Variants in TUSC3 observed in about 807,000 individuals in gnomAD.
The protein encoded by TUSC3 is tumor suppressor candidate 3, also known as dolichyl-diphosphooligosaccharide--protein glycosyltransferase subunit TUSC3.
A neutral mutation model predicts 44.8 loss-of-function variants in TUSC3; 45 were observed. The ratio of observed to expected loss-of-function variants is 1.00; its 90% CI spans 0.79 to 1.29. The LOEUF is 1.29. TUSC3 is among the 50% of genes most tolerant of loss of function. TUSC3 has a pLI of 0.00. For missense variants in TUSC3, 519 were observed against 437.9 expected (o/e 1.19, Z -1.65); for synonymous variants, 212 against 152.9 (o/e 1.39, Z -2.85).
rs199725916 is a variant in TUSC3, at chr8:15,602,696, G to GTA, written c.139-20378_139-20377dup. The stretch of plus-strand genomic sequence containing the variant: ...TGTGTGTGTGTGTGTGTGTGTGTGT[G>GTA]TATATATGTGTATGTATACGTGTGT... On this transcript the variant is annotated intron_variant, in intron 1 of 10. Coordinates refer to ENST00000503731, the MANE Select transcript of TUSC3 (RefSeq NM_006765.4). 3.6e-4 allele frequency among the ~76,000 whole-genome samples: 51 copies of GTA among 143,112 alleles called. 1 individual carries two copies. Among genetic ancestry groups the GTA allele is most frequent in the East Asian group, 3.4e-3 (17 of 4,934 alleles). 93.9% of individuals were successfully genotyped at this position (143,112 alleles called of 152,430 possible).
At chr8:15,489,972 C>G (rs150526847) in intron 2 of TUSC3, among the ~76,000 whole-genome samples, 6 of 152,174 alleles carry the variant, frequency 3.9e-5, no homozygotes, top group African/African-American at 1.4e-4. Context: ...TCTGTTGGTG[C>G]TGAAATAGTC....
chr8:15,760,587 CGTCAACA>C (rs1812132123), intron 10 of TUSC3, among the ~76,000 whole-genome samples: 1 of 152,008 alleles, frequency 6.6e-6, no homozygotes, highest in Non-Finnish European at 1.5e-5. Context: ...GGGGGTGGGA[CGTCAACA>C]AAGAATATTT....
intron 6 of TUSC3, among the ~76,000 whole-genome samples, chr8:15,677,762 G>A (rs1808253653): frequency 1.3e-5 from 2 of 152,198 alleles, no homozygotes; most frequent in African/African-American, 4.8e-5. Context: ...TAGGCTTAGT[G>A]CAGGGGCAGG....
intron 1 of TUSC3, among the ~76,000 whole-genome samples, chr8:15,547,754 C>G (rs1350926463): frequency 6.6e-6 from 1 of 151,392 alleles, no homozygotes; most frequent in Non-Finnish European, 1.5e-5. Flanking sequence ...CCCCAGAGAG[C>G]TCTCTGGTCC....
chr8:15,637,905 G>T (rs897036421), intron 2 of TUSC3, among the ~76,000 whole-genome samples: 1 of 151,898 alleles, frequency 6.6e-6, no homozygotes, highest in African/African-American at 2.4e-5. Flanking sequence ...GTTTCCACAG[G>T]TCCCTTAATT....
intron 1 of TUSC3, among the ~76,000 whole-genome samples, chr8:15,453,186 A>T (rs1163094099): frequency 6.6e-6 from 1 of 152,130 alleles, no homozygotes; most frequent in Non-Finnish European, 1.5e-5. Context: ...GCCAACTGGG[A>T]GTGTTTCTGA....
chr8:15,525,989 G>C (rs1801368417), intron 2 of TUSC3, among the ~76,000 whole-genome samples: 1 of 152,066 alleles, frequency 6.6e-6, no homozygotes, highest in Non-Finnish European at 1.5e-5. Flanking sequence ...GGGTTTTCAA[G>C]CAGGTGGTAG....
At chr8:15,539,428 C>T (rs181610983), upstream of TUSC3, among the ~76,000 whole-genome samples, 1 of 138,152 alleles carries the variant, frequency 7.2e-6, no homozygotes. Flanking sequence ...TCTCGGCTCA[C>T]TGCAACCTCT....
intron 5 of TUSC3, among the ~76,000 whole-genome samples, chr8:15,663,376 A>G (rs1807512409): frequency 6.6e-6 from 1 of 151,830 alleles, no homozygotes; most frequent in Non-Finnish European, 1.5e-5. Context: ...CAGATTGTTT[A>G]CAGCTAATTG....
rs180962105 is a variant in TUSC3, at chr8:15,562,133, A to G, written c.138+21565A>G. Among the ~76,000 whole-genome samples, 275 of 152,270 alleles carry G rather than the reference A, an allele frequency of 1.8e-3. 1 individual carries two copies. The highest frequency in any genetic ancestry group is 6.3e-3 in the African/African-American group (262 of 41,550). ...GAGTCTAGCTTCAGAGATCTTGGAG[A>G]TAAGAACTTCCCGGCATTTTCTTAT... On this transcript the variant is annotated intron_variant, in intron 1 of 10. Coordinates refer to ENST00000503731, the MANE Select transcript of TUSC3 (RefSeq NM_006765.4).
chr8:15,770,086 T>C (rs1015447693), downstream of TUSC3, among the ~76,000 whole-genome samples: 2 of 152,096 alleles, frequency 1.3e-5, no homozygotes, highest in Admixed American at 1.3e-4. Context: ...GGATTATAAA[T>C]CAATCTACTT....
intron 1 of TUSC3, among the ~76,000 whole-genome samples, chr8:15,475,249 G>C (rs902924012): frequency 1.3e-5 from 2 of 152,108 alleles, no homozygotes; most frequent in East Asian, 1.9e-4. Flanking sequence ...GAGACATAGA[G>C]AAACTTGCCT....
chr8:15,467,277 CAAAAA>C (rs11371796), intron 1 of TUSC3, among the ~76,000 whole-genome samples: 6 of 103,022 alleles, frequency 5.8e-5, no homozygotes, highest in Non-Finnish European at 4.2e-5. Flanking sequence ...GTTCTTTAGC[CAAAAA>C]AAAAAAAAAA....
intron 7 of TUSC3, among the ~76,000 whole-genome samples, chr8:15,741,190 C>G (rs1811180333): frequency 1.3e-5 from 2 of 151,966 alleles, no homozygotes. Flanking sequence ...TAAAATTTGA[C>G]CCTAAGAACA....
chr8:15,850,948 C>G, the TUSC3 span, among the ~76,000 whole-genome samples: 1 of 152,172 alleles, frequency 6.6e-6, no homozygotes, highest in Non-Finnish European at 1.5e-5. Flanking sequence ...GAAGCTCTTT[C>G]CTTTCTGAGT....
chr8:15,646,955 T>C (rs908581454), intron 2 of TUSC3, among the ~76,000 whole-genome samples: 1 of 152,140 alleles, frequency 6.6e-6, no homozygotes, highest in Non-Finnish European at 1.5e-5. Flanking sequence ...CATCTTTGTG[T>C]TTTTTGTTCA....
intron 1 of TUSC3, among the ~76,000 whole-genome samples, chr8:15,470,931 C>T (rs927012397): frequency 6.6e-6 from 1 of 151,930 alleles, no homozygotes; most frequent in Non-Finnish European, 1.5e-5. Flanking sequence ...CAGCCACCCT[C>T]AACCCTGCAA....
intron 1 of TUSC3, among the ~76,000 whole-genome samples, chr8:15,549,118 G>T (rs144640081): frequency 6.6e-6 from 1 of 151,720 alleles, no homozygotes; most frequent in African/African-American, 2.4e-5. Context: ...TATACCTCAG[G>T]TATATTTGCT....
chr8:15,641,218 G>A (rs933214197), intron 2 of TUSC3, among the ~76,000 whole-genome samples: 5 of 152,048 alleles, frequency 3.3e-5, no homozygotes, highest in African/African-American at 1.2e-4. Context: ...AAAATTAGCT[G>A]GGCGCGGTGG....
Sources: allele counts gnomAD v4.1 joint callset (sites outside exome capture counted in the v4.1 genomes callset), GRCh38; gene constraint gnomAD v4.1.1; transcripts MANE v1.5; gene names NCBI Gene and HGNC (gene_info 2026-07-23, HGNC 2026-07-21).